The following PTPN21 variants were observed in gnomAD, a reference collection of about 807,000 sequenced individuals.
PTPN21 encodes tyrosine-protein phosphatase non-receptor type 21.
A neutral mutation model predicts 131.8 loss-of-function variants in PTPN21; 77 were observed. That is an observed-to-expected ratio of 0.58 (90% CI 0.49 to 0.71). The LOEUF (loss-of-function observed/expected upper bound fraction) is 0.71. Ranked by LOEUF, PTPN21 falls within the 30% of genes least tolerant of loss-of-function variation. PTPN21 has a pLI of 0.00. For synonymous variants in PTPN21, 715 were observed against 621.3 expected (o/e 1.15, Z -2.24); for missense variants, 1,552 against 1,527.1 (o/e 1.02, Z -0.27).
chr14:88,487,945 G>A (rs1174026897), intron 10 of PTPN21, among the ~76,000 whole-genome samples: 5 of 130,290 alleles, frequency 3.8e-5, no homozygotes, highest in South Asian at 2.6e-4. Flanking sequence ...CAGCCTGGGC[G>A]ACAGAGTGAG....
At chr14:88,493,267 G>GA (rs2140119280) in intron 10 of PTPN21, 1 of 329,564 alleles carries the variant, frequency 3.0e-6, no homozygotes, top group Admixed American at 4.4e-5. Flanking sequence ...AAAAGAGGTA[G>GA]AAAAAACAAC....
chr14:88,537,791 T>C (rs984729166), intron 2 of PTPN21, among the ~76,000 whole-genome samples: 1 of 152,200 alleles, frequency 6.6e-6, no homozygotes, highest in African/African-American at 2.4e-5. Context: ...GGAGTGTACT[T>C]ACACAAACCT....
intron 1 of PTPN21, chr14:88,551,764 A>C (rs1354605591): frequency 6.6e-6 from 1 of 152,320 alleles, no homozygotes; most frequent in Admixed American, 6.5e-5. Context: ...GCAGCCTCGA[A>C]CACCTGGGCT....
chr14:88,510,683 G>T (rs370099820), intron 3 of PTPN21, among the ~76,000 whole-genome samples: 1 of 152,186 alleles, frequency 6.6e-6, no homozygotes, highest in Non-Finnish European at 1.5e-5. Flanking sequence ...TGGGCAAGGT[G>T]TTCAACCCTT....
intron 2 of PTPN21, among the ~76,000 whole-genome samples, chr14:88,532,561 T>G (rs2078569779): frequency 6.6e-6 from 1 of 152,238 alleles, no homozygotes; most frequent in South Asian, 2.1e-4. Context: ...AAAGTCAATG[T>G]TATAAAGTAT....
rs1260232379 is a variant in PTPN21, at chr14:88,501,505, T to A, written c.588-137A>T. The A allele has an allele frequency of 9.4e-6, 7 of 741,086 alleles. No individual in the cohort carries two copies. In the East Asian group the frequency reaches 1.6e-4, roughly 17 times the overall value. 45.9% of individuals were successfully genotyped at this position (741,086 alleles called of 1,614,324 possible). On this transcript the variant is annotated intron_variant, in intron 6 of 18. Coordinates refer to ENST00000556564, the MANE Select transcript of PTPN21 (RefSeq NM_007039.4). Reference sequence around the variant, plus strand: ...ACGTTTCTAAGCATCTATAATTGGCTATATCAATCTTGCTATTTACTGAAA... The same window carrying A: ...ACGTTTCTAAGCATCTATAATTGGCAATATCAATCTTGCTATTTACTGAAA...
intron 3 of PTPN21, chr14:88,513,607 T>A (rs897967373): frequency 3.3e-5 from 5 of 152,228 alleles, no homozygotes; most frequent in Admixed American, 2.0e-4. Flanking sequence ...GGCACCAAAG[T>A]GTTTGCTCGC....
chr14:88,485,246 TAA>T (rs759221331), intron 11 of PTPN21, 86 bp from the exon 12 acceptor site: 1 of 782,642 alleles, frequency 1.3e-6, no homozygotes, highest in East Asian at 2.8e-5. Context: ...TTCTTTCTGT[TAA>T]AAAAACTTCT....
chr14:88,525,060 T>C (rs1180009002), intron 2 of PTPN21, among the ~76,000 whole-genome samples: 7 of 151,308 alleles, frequency 4.6e-5, no homozygotes, highest in Non-Finnish European at 8.8e-5. Flanking sequence ...GTGGACAACA[T>C]AGTGAAACTT....
rs539345033 is a variant in PTPN21, at chr14:88,514,322, T to A, written c.350+2770A>T. ...TTCAGATTTAAATGGTTCTTTCATA[T>A]CATGTTATTTTCTTAATTTTTTAAG... On this transcript the variant is annotated intron_variant, in intron 3 of 18. Coordinates refer to ENST00000556564, the MANE Select transcript of PTPN21 (RefSeq NM_007039.4). Among the ~76,000 whole-genome samples, 8 of 152,310 alleles carry A rather than the reference T, an allele frequency of 5.3e-5. No homozygotes were observed. In the East Asian group the frequency reaches 1.5e-3, roughly 29 times the overall value.
chr14:88,503,888 A>C (rs1395325938), intron 6 of PTPN21: 1 of 152,516 alleles, frequency 6.6e-6, no homozygotes, highest in Admixed American at 6.5e-5. Context: ...CAACACAGAG[A>C]TTCATCATGA....
At position 88,517,108 on chromosome 14, in the gene PTPN21, G is replaced by A. The variant is rs1452116890; in HGVS notation, c.334C>T (p.Gln112Ter). ...ATTTCTCACCTGGTAATCTCCTGCT[G>A]CAGCTGAGAAACTGAAGGCACATAA... The part of the protein sequence containing the change: ...VFYVPSVSQL[Q>*]QEITRYQYYL... Residue 112 changes from glutamine (Q) to a stop codon, truncating the protein, a stop_gained, in exon 3 of 19, where the codon CAG becomes TAG. Transcript: ENST00000556564. LOFTEE classifies it high-confidence loss of function. 6.2e-7 allele frequency: 1 copy of A among 1,613,696 alleles called. No individual in the cohort carries two copies. The highest frequency in any genetic ancestry group is 8.5e-7 in the Non-Finnish European group (1 of 1,179,742).
rs1486850448 is a variant in PTPN21, at chr14:88,469,353, C to A, written c.3235+146G>T. Reference sequence around the variant, plus strand: ...TAATTTATAAACCTCGTTAACCCTCCCCAAAACACTTGTATTCTTTATGTT... The same window carrying A: ...TAATTTATAAACCTCGTTAACCCTCACCAAAACACTTGTATTCTTTATGTT... On this transcript the variant is annotated intron_variant, in intron 17 of 18. Transcript: ENST00000556564. The surrounding 1 kb of genome is among the most constrained non-coding windows in gnomAD (Gnocchi z 4.3). 1 of 799,810 alleles carries A rather than the reference C, an allele frequency of 1.3e-6. No homozygotes were observed. Among genetic ancestry groups the A allele is most frequent in the Admixed American group, 2.7e-5 (1 of 36,786 alleles). The allele number at this position is 799,810 out of a possible 1,614,324, so 49.5% of individuals were successfully genotyped here.
At chr14:88,542,072 G>A (rs1358839775) in intron 2 of PTPN21, among the ~76,000 whole-genome samples, 1 of 152,190 alleles carries the variant, frequency 6.6e-6, no homozygotes, top group African/African-American at 2.4e-5. Context: ...GTCAAAGTTC[G>A]AGCAGAAGTC....
At chr14:88,501,085 C>T (rs2078001117) in intron 7 of PTPN21, 196 bp downstream of exon 7, 1 of 656,630 alleles carries the variant, frequency 1.5e-6, no homozygotes, top group Non-Finnish European at 2.7e-6. Flanking sequence ...TATTTCAAGA[C>T]CATTTCAAAG....
chr14:88,497,159 C>T lies in PTPN21; in HGVS notation c.852+44G>A, dbSNP rs910171765. On this transcript the variant is annotated intron_variant, in intron 9 of 18. Coordinates refer to ENST00000556564, the MANE Select transcript of PTPN21 (RefSeq NM_007039.4). ...GGCACGCAGAAGTAGAACTTGTTAA[C>T]TTTTAGGAAAAACATTCCATGCAGA... is the stretch of plus-strand genomic sequence containing the variant. 4 of 1,482,724 alleles carry T rather than the reference C, an allele frequency of 2.7e-6. No homozygotes were observed. In the African/African-American group the frequency reaches 5.6e-5, roughly 21 times the overall value. The allele number at this position is 1,482,724 out of a possible 1,614,324, so 91.8% of individuals were successfully genotyped here. A position where few individuals can be genotyped will look rare whatever the true frequency, so the allele number is the denominator to read the frequency against.
At chr14:88,494,451 A>G (rs1459110885) in intron 10 of PTPN21, among the ~76,000 whole-genome samples, 1 of 151,968 alleles carries the variant, frequency 6.6e-6, no homozygotes, top group East Asian at 2.0e-4. Context: ...GAGGATTCCT[A>G]AAGTCCAGAA....
intron 2 of PTPN21, among the ~76,000 whole-genome samples, chr14:88,538,405 T>A (rs2078659305): frequency 6.6e-6 from 1 of 152,208 alleles, no homozygotes; most frequent in Non-Finnish European, 1.5e-5. Flanking sequence ...TACTTCCAAC[T>A]CTGCCAGGGA....
Position 88,479,189 on chromosome 14 carries a change from G to A in PTPN21, c.2242C>T (p.Arg748Cys), listed in dbSNP as rs1420294100. 1.9e-6 allele frequency: 3 copies of A among 1,569,500 alleles called. No individual in the cohort carries two copies. The highest frequency in any genetic ancestry group is 3.8e-5 in the Admixed American group (2 of 53,138). Residue 748 changes from arginine (R) to cysteine (C), a missense_variant, in exon 13 of 19, where the codon CGC becomes TGC. Arg to Cys is a radical substitution (Grantham distance 180, BLOSUM62 -3). Transcript: ENST00000556564. The part of the protein sequence containing the change: ...GLAQDPPGCP[R>C]VLLAGPLHIL... Reference sequence around the variant, plus strand: ...TGCAGGGGCCCGGCGAGCAGGACGCGAGGGCAGCCAGGTGGGTCCTGGGCC... The same window carrying A: ...TGCAGGGGCCCGGCGAGCAGGACGCAAGGGCAGCCAGGTGGGTCCTGGGCC...
Sources: gnomAD v4.1 joint callset for allele counts (sites outside exome capture counted in the v4.1 genomes callset) on GRCh38, gnomAD v4.1.1 for gene constraint, Gnocchi (gnomAD v3.1) non-coding constraint, MANE v1.5 for transcripts, NCBI Gene and HGNC (gene_info 2026-07-23, HGNC 2026-07-21) for gene names.